The following SIPA1L1 variants were observed in gnomAD, a reference collection of about 807,000 sequenced individuals.
SIPA1L1 encodes the protein signal induced proliferation associated 1 like 1.
A neutral mutation model predicts 162.7 loss-of-function variants in SIPA1L1; 26 were observed. The ratio of observed to expected loss-of-function variants is 0.16; its 90% CI spans 0.12 to 0.22. SIPA1L1 has a LOEUF of 0.22. Ranked by LOEUF, SIPA1L1 falls within the 10% of genes least tolerant of loss-of-function variation. SIPA1L1 has a pLI of 1.00. For missense variants in SIPA1L1, 1,874 were observed against 2,241.0 expected, an observed-to-expected ratio of 0.84 and a Z score of 3.31; for synonymous variants, 829 against 837.4, an observed-to-expected ratio of 0.99 and a Z score of 0.17.
At position 71,730,253 on chromosome 14, in the gene SIPA1L1, C is replaced by T. The variant is rs143598640; in HGVS notation, c.4813C>T (p.Leu1605Phe). ...SSTYPSLPKS[L>F]PLRRPSYTLG... ...CACGTACCCTTCTCTCCCCAAGTCG[C>T]TCCCGTTGAGGAGGCCTTCTTACAC... The change falls in exon 20 of 24, where the codon CTC becomes TTC. Residue 1605 changes from leucine (L) to phenylalanine (F), a missense_variant. By Grantham distance (22) the Leu-to-Phe change is conservative. This residue lies in a region of SIPA1L1 where 936 missense variants were observed against 1,051.9 expected (regional missense o/e 0.89). Transcript: ENST00000381232. The T allele has an allele frequency of 3.7e-6, 6 of 1,614,096 alleles. No individual in the cohort carries two copies. The African/African-American group carries it at 8.0e-5, about 22-fold the overall frequency.
At chr14:71,530,461 G>T (rs936439990) in intron 4 of SIPA1L1, among the ~76,000 whole-genome samples, 8 of 151,934 alleles carry the variant, frequency 5.3e-5, no homozygotes, top group African/African-American at 1.9e-4. Flanking sequence ...ATTTGGCAGT[G>T]CAGACTTGTT....
At chr14:71,328,418 T>G (rs1369387375) in intron 2 of SIPA1L1, among the ~76,000 whole-genome samples, 1 of 152,152 alleles carries the variant, frequency 6.6e-6, no homozygotes. Flanking sequence ...TGCTAGATAT[T>G]GAGGTTGATG....
At chr14:71,686,935 C>T (rs570387885) in intron 13 of SIPA1L1, among the ~76,000 whole-genome samples, 28 of 152,282 alleles carry the variant, frequency 1.8e-4, no homozygotes, top group African/African-American at 5.5e-4. Context: ...CTGAGGAAAA[C>T]GGTTCCCAGA....
intron 2 of SIPA1L1, among the ~76,000 whole-genome samples, chr14:71,449,925 A>G (rs1474532103): frequency 6.6e-6 from 1 of 152,208 alleles, no homozygotes; most frequent in Non-Finnish European, 1.5e-5. Context: ...TGTTCTGTGA[A>G]TCAGGAAGAA....
intron 13 of SIPA1L1, among the ~76,000 whole-genome samples, chr14:71,690,180 C>G (rs1288867210): frequency 6.6e-6 from 1 of 152,148 alleles, no homozygotes; most frequent in East Asian, 1.9e-4. Context: ...AATCATGGGA[C>G]TTTTGAACTT....
At chr14:71,375,866 A>C (rs1045861830) in intron 2 of SIPA1L1, among the ~76,000 whole-genome samples, 4 of 152,140 alleles carry the variant, frequency 2.6e-5, no homozygotes, top group African/African-American at 7.2e-5. Flanking sequence ...ATGATGTATT[A>C]CACGGATTGA....
intron 2 of SIPA1L1, among the ~76,000 whole-genome samples, chr14:71,323,770 A>C (rs1408037027): frequency 6.6e-6 from 1 of 152,182 alleles, no homozygotes; most frequent in Non-Finnish European, 1.5e-5. Flanking sequence ...GAATGCTGCT[A>C]TCTGGCAGGT....
At chr14:71,416,799 C>T (rs79094312) in intron 2 of SIPA1L1, among the ~76,000 whole-genome samples, 3 of 151,826 alleles carry the variant, frequency 2.0e-5, no homozygotes, top group Non-Finnish European at 2.9e-5. Context: ...TTATGTGTAC[C>T]TTATTAAATC....
chr14:71,455,534 G>C (rs1285841177), intron 2 of SIPA1L1, among the ~76,000 whole-genome samples: 1 of 151,996 alleles, frequency 6.6e-6, no homozygotes, highest in Non-Finnish European at 1.5e-5. Context: ...TTAGGTTATG[G>C]TCTTTTGGTA....
chr14:71,430,691 A>G (rs577030058), intron 2 of SIPA1L1, among the ~76,000 whole-genome samples: 5 of 152,284 alleles, frequency 3.3e-5, no homozygotes, highest in Admixed American at 1.3e-4. Context: ...TGCTTAACTA[A>G]TATCTTTCTC....
chr14:71,645,304 C>T (rs2042062936), intron 7 of SIPA1L1, among the ~76,000 whole-genome samples: 1 of 152,200 alleles, frequency 6.6e-6, no homozygotes, highest in South Asian at 2.1e-4. Context: ...AATTGGCAAT[C>T]TTAAGTCCTT....
chr14:71,739,432 A>G lies in SIPA1L1; in HGVS notation c.*271A>G, dbSNP rs1024225678. 4.7e-6 allele frequency: 1 copy of G among 212,682 alleles called. No individual in the cohort carries two copies. The highest frequency in any genetic ancestry group is 8.6e-6 in the Non-Finnish European group (1 of 116,696). The allele number at this position is 212,682 out of a possible 1,614,324, so 13.2% of individuals were successfully genotyped here. On this transcript the variant is annotated 3_prime_UTR_variant, in exon 24 of 24. Coordinates refer to ENST00000381232, the MANE Select transcript of SIPA1L1 (RefSeq NM_001386936.1). ...GTGAATGTCTTTATTTTTTTGCACA[A>G]TATCTTTATCTGTTATGTATTTAAG... is the stretch of plus-strand genomic sequence containing the variant.
chr14:71,675,772 C>T (rs1209964131), intron 12 of SIPA1L1, among the ~76,000 whole-genome samples: 3 of 152,144 alleles, frequency 2.0e-5, no homozygotes, highest in African/African-American at 7.2e-5. Context: ...TCCTCTACCC[C>T]TCAGCCTGGT....
At chr14:71,570,891 A>G (rs2031860099) in intron 4 of SIPA1L1, among the ~76,000 whole-genome samples, 1 of 151,984 alleles carries the variant, frequency 6.6e-6, no homozygotes, top group South Asian at 2.1e-4. Context: ...GGTTCAAGCA[A>G]TTCTCCCTGT....
intron 8 of SIPA1L1, among the ~76,000 whole-genome samples, chr14:71,655,672 A>G (rs1294598016): frequency 2.6e-5 from 4 of 152,174 alleles, no homozygotes; most frequent in African/African-American, 9.7e-5. Flanking sequence ...TCTGTCTGAT[A>G]TCAGATGGTA....
At position 71,548,238 on chromosome 14, in the gene SIPA1L1, A is replaced by G. The variant is rs2146128430; in HGVS notation, c.-303+18868A>G. Among the ~76,000 whole-genome samples the G allele has an allele frequency of 1.3e-5, 2 of 152,314 alleles. 1 individual carries two copies. The highest frequency in any genetic ancestry group is 4.8e-5 in the African/African-American group (2 of 41,574). ...TGCTACTTAGTATCCATTAAATATGAGGGCATATAGCTTAATTTTGCTTAA... is the reference window on the plus strand; with the variant it reads ...TGCTACTTAGTATCCATTAAATATGGGGGCATATAGCTTAATTTTGCTTAA... On this transcript the variant is annotated intron_variant, in intron 4 of 23. Transcript: ENST00000381232.
chr14:71,481,784 G>A (rs777932507), intron 2 of SIPA1L1, among the ~76,000 whole-genome samples: 1 of 152,138 alleles, frequency 6.6e-6, no homozygotes, highest in East Asian at 1.9e-4. Context: ...TCCACCCCCG[G>A]AGGCCATGTT....
At position 71,605,779 on chromosome 14, in the gene SIPA1L1, G is replaced by A. The variant is rs2037419323; in HGVS notation, c.1499-12978G>A. 3.3e-5 allele frequency among the ~76,000 whole-genome samples: 5 copies of A among 152,296 alleles called. No homozygotes were observed. The South Asian group carries it at 1.0e-3, about 32-fold the overall frequency. On this transcript the variant is annotated intron_variant, in intron 5 of 23. Coordinates refer to ENST00000381232, the MANE Select transcript of SIPA1L1 (RefSeq NM_001386936.1). Reference sequence around the variant, plus strand: ...GGTAGCAGTGTTGGACTGAGTCTGTGTGTGTCTGGGCCTCAGGGCAGCAAA... The same window carrying A: ...GGTAGCAGTGTTGGACTGAGTCTGTATGTGTCTGGGCCTCAGGGCAGCAAA...
At chr14:71,608,625 G>A (rs866278942) in intron 5 of SIPA1L1, among the ~76,000 whole-genome samples, 19 of 152,178 alleles carry the variant, frequency 1.2e-4, no homozygotes, top group Middle Eastern at 3.4e-3. Context: ...GGCCAGGCAC[G>A]GTGGCTCATG....
Sources: gnomAD v4.1 joint callset for allele counts (sites outside exome capture counted in the v4.1 genomes callset) on GRCh38, gnomAD v4.1.1 for gene constraint, gnomAD v4.1.1 regional missense constraint, MANE v1.5 for transcripts, NCBI Gene and HGNC (gene_info 2026-07-23, HGNC 2026-07-21) for gene names.